Variants in ATG7 observed in about 807,000 individuals in gnomAD.
ATG7 encodes the protein autophagy related 7.
Under a neutral mutation model 82.4 loss-of-function variants are expected in ATG7, and 70 were observed. The observed-to-expected ratio is 0.85, with a 90% CI of 0.70 to 1.04. The LOEUF (loss-of-function observed/expected upper bound fraction) is 1.04, where lower values mean the gene tolerates loss of function less well. Among genes scored for constraint, ATG7 ranks in the 50% least tolerant of loss-of-function variants. The pLI is 0.00. For synonymous variants in ATG7, 287 were observed against 313.0 expected (o/e 0.92, Z 0.88); for missense variants, 792 against 864.3 (o/e 0.92, Z 1.05).
rs530158011 is a variant in ATG7 at position 11,350,532 on chromosome 3, G to A, written c.1284+2497G>A. Among the ~76,000 whole-genome samples, 6 of 152,302 alleles carry A rather than the reference G, an allele frequency of 3.9e-5. No homozygotes were observed. In the East Asian group the frequency reaches 7.7e-4, roughly 20 times the overall value. On this transcript the variant is annotated intron_variant, in intron 14 of 20. Coordinates refer to ENST00000693202, the MANE Select transcript of ATG7 (RefSeq NM_001349232.2). ...CAAAATCTAGGCTAAAGGAGGAACA[G>A]TCATGTGGGTCCTACTCTTCCTATG...
intron 14 of ATG7, among the ~76,000 whole-genome samples, chr3:11,353,436 C>CT (rs1346072566): frequency 6.6e-6 from 1 of 152,038 alleles, no homozygotes; most frequent in East Asian, 1.9e-4. Flanking sequence ...GAGTGAGACT[C>CT]TGTCTCAAAA....
At chr3:11,377,450 T>G (rs12636305) in intron 18 of ATG7, among the ~76,000 whole-genome samples, 35,119 of 151,908 alleles carry the variant, frequency 0.23, 4,533 homozygotes, top group South Asian at 0.35. Context: ...TGTGGTGGTG[T>G]TGTTGTTTTT....
At chr3:11,448,693 T>C (rs1399681735) in intron 20 of ATG7, among the ~76,000 whole-genome samples, 2 of 152,134 alleles carry the variant, frequency 1.3e-5, no homozygotes, top group African/African-American at 4.8e-5. Flanking sequence ...CAGATGTAGA[T>C]TTCAATAAAC....
chr3:11,325,489 T>A (rs1383464066), intron 9 of ATG7, among the ~76,000 whole-genome samples: 5 of 152,080 alleles, frequency 3.3e-5, no homozygotes, highest in Non-Finnish European at 7.4e-5. Context: ...CTGACCAACA[T>A]GGTGAAATTC....
rs146192336 is a variant in ATG7 at position 11,531,223 on chromosome 3, G to A, written c.2080-23588G>A. On this transcript the variant is annotated intron_variant, in intron 20 of 20. Coordinates refer to ENST00000693202, the MANE Select transcript of ATG7 (RefSeq NM_001349232.2). ...GGTCTGGCAGTCTAGAAGAAGGGGGGGCTGTGCAGGGTACCCAGCCAAGGC... is the reference window on the plus strand; with the variant it reads ...GGTCTGGCAGTCTAGAAGAAGGGGGAGCTGTGCAGGGTACCCAGCCAAGGC... Among the ~76,000 whole-genome samples, 484 of 152,218 alleles carry A rather than the reference G, an allele frequency of 3.2e-3. 4 individuals carry two copies. The highest frequency in any genetic ancestry group is 0.011 in the African/African-American group (452 of 41,518).
At chr3:11,529,958 G>T (rs1231898249) in intron 20 of ATG7, among the ~76,000 whole-genome samples, 1 of 152,160 alleles carries the variant, frequency 6.6e-6, no homozygotes, top group African/African-American at 2.4e-5. Flanking sequence ...GAGACAGGAG[G>T]GGCCCAGAGA....
chr3:11,331,608 C>T lies in ATG7; in HGVS notation c.767+180C>T, dbSNP rs116961397. 7.9e-5 allele frequency among the ~76,000 whole-genome samples: 12 copies of T among 152,234 alleles called. No individual in the cohort carries two copies. The East Asian group carries it at 2.3e-3, about 29-fold the overall frequency. Reference sequence around the variant, plus strand: ...AATTTCCATACTAGTGAACCTTAAGCAGGTCTGTTAGGGACCTGCATACTC... The same window carrying T: ...AATTTCCATACTAGTGAACCTTAAGTAGGTCTGTTAGGGACCTGCATACTC... On this transcript the variant is annotated intron_variant, in intron 10 of 20. Coordinates refer to ENST00000693202, the MANE Select transcript of ATG7 (RefSeq NM_001349232.2).
At chr3:11,513,548 G>A (rs1032646698) in intron 20 of ATG7, among the ~76,000 whole-genome samples, 3 of 152,218 alleles carry the variant, frequency 2.0e-5, no homozygotes, top group African/African-American at 4.8e-5. Flanking sequence ...TGCGGGGCCT[G>A]CCAAGCCCAC....
the ATG7 span, among the ~76,000 whole-genome samples, chr3:11,567,145 G>A: frequency 4.2e-3 from 636 of 152,218 alleles, 6 homozygotes; most frequent in Admixed American, 0.012. Flanking sequence ...GCAGGGGCAC[G>A]CGCTCAGCTT....
chr3:11,543,221 G>T (rs2070982804), intron 20 of ATG7, among the ~76,000 whole-genome samples: 1 of 152,220 alleles, frequency 6.6e-6, no homozygotes, highest in Admixed American at 6.5e-5. Flanking sequence ...AGCCGCCTTG[G>T]CCATGACTGT....
intron 20 of ATG7, among the ~76,000 whole-genome samples, chr3:11,481,429 G>T (rs915350019): frequency 1.3e-5 from 2 of 152,094 alleles, no homozygotes; most frequent in Non-Finnish European, 2.9e-5. Context: ...ATTTCCCCTA[G>T]CAAAATGTAA....
intron 17 of ATG7, 24 bp from the exon 18 acceptor site, chr3:11,364,635 G>A (rs1559475351): frequency 6.2e-7 from 1 of 1,612,708 alleles, no homozygotes; most frequent in Non-Finnish European, 8.5e-7. Context: ...TAAATGAGCA[G>A]CTCTGATTGT....
At chr3:11,457,812 A>AT (rs754263902) in intron 20 of ATG7, among the ~76,000 whole-genome samples, 12 of 152,298 alleles carry the variant, frequency 7.9e-5, no homozygotes, top group South Asian at 6.2e-4. Flanking sequence ...GAGACTGTGC[A>AT]GTGGTAGCGC....
chr3:11,538,782 G>GTTGC (rs1219177371), intron 20 of ATG7, among the ~76,000 whole-genome samples: 2 of 150,592 alleles, frequency 1.3e-5, no homozygotes, highest in Non-Finnish European at 3.0e-5. Flanking sequence ...GCTAAGATGG[G>GTTGC]AGGATCACCT....
intron 19 of ATG7, among the ~76,000 whole-genome samples, chr3:11,380,297 T>TG (rs1314802044): frequency 1.3e-5 from 2 of 152,320 alleles, no homozygotes; most frequent in African/African-American, 4.8e-5. Flanking sequence ...TATCAATACT[T>TG]GCATCATGCT....
intron 14 of ATG7, among the ~76,000 whole-genome samples, chr3:11,353,634 T>G (rs1254893340): frequency 6.6e-6 from 1 of 152,078 alleles, no homozygotes; most frequent in African/African-American, 2.4e-5. Context: ...TCCACATTAA[T>G]GAGTGAGTTC....
intron 18 of ATG7, among the ~76,000 whole-genome samples, chr3:11,377,018 C>T (rs1035912467): frequency 2.0e-5 from 3 of 152,194 alleles, no homozygotes; most frequent in African/African-American, 4.8e-5. Context: ...GGATTACAGG[C>T]GTGAGCCACC....
At chr3:11,549,980 A>G (rs1016316923) in intron 20 of ATG7, among the ~76,000 whole-genome samples, 1 of 152,114 alleles carries the variant, frequency 6.6e-6, no homozygotes, top group Non-Finnish European at 1.5e-5. Context: ...GAGGACTGCA[A>G]ACTGCACGTC....
chr3:11,558,769 A>G, downstream of ATG7: 5 of 1,614,086 alleles, frequency 3.1e-6, no homozygotes, highest in Non-Finnish European at 4.2e-6. Flanking sequence ...GCTCCTTGTA[A>G]TTCTTGCCCA....
Sources: allele counts gnomAD v4.1 joint callset (sites outside exome capture counted in the v4.1 genomes callset), GRCh38; gene constraint gnomAD v4.1.1; transcripts MANE v1.5; gene names NCBI Gene and HGNC (gene_info 2026-07-23, HGNC 2026-07-21).